Variants in CAMTA1 observed in about 807,000 individuals in gnomAD.
CAMTA1 encodes the protein calmodulin binding transcription activator 1, also known as calmodulin-binding transcription activator 1.
CAMTA1 carries 27 observed loss-of-function variants against 170.9 expected under a neutral mutation model. The ratio of observed to expected loss-of-function variants is 0.16; its 90% CI spans 0.12 to 0.22. CAMTA1 has a LOEUF of 0.22. CAMTA1 is among the 10% of genes least tolerant of loss of function. The probability of loss-of-function intolerance (pLI) is 1.00; values close to 1 mark genes in which losing one functional copy is unlikely to be tolerated. For missense variants in CAMTA1, 1,619 were observed against 2,217.2 expected, an observed-to-expected ratio of 0.73 and a Z score of 5.42; for synonymous variants, 833 against 891.5, an observed-to-expected ratio of 0.93 and a Z score of 1.17.
Position 7,234,105 on chromosome 1 carries a change from C to T in CAMTA1, c.303-15386C>T, listed in dbSNP as rs77826657. Among the ~76,000 whole-genome samples, 238 of 152,298 alleles carry T rather than the reference C, an allele frequency of 1.6e-3. 1 individual carries two copies. The highest frequency in any genetic ancestry group is 5.6e-3 in the African/African-American group (234 of 41,568). ...CTTGGTTAATTCGTGTCTCTCATCACTCTTACAGTAAAATCCACCCTGGTT... is the reference window on the plus strand; with the variant it reads ...CTTGGTTAATTCGTGTCTCTCATCATTCTTACAGTAAAATCCACCCTGGTT... On this transcript the variant is annotated intron_variant, in intron 4 of 22. Transcript: ENST00000303635. This position sits in a 1 kb window ranked among gnomAD's most constrained non-coding sequence, Gnocchi z 5.0.
intron 5 of CAMTA1, among the ~76,000 whole-genome samples, chr1:7,337,268 G>A (rs1025271482): frequency 1.3e-5 from 2 of 152,228 alleles, no homozygotes; most frequent in African/African-American, 4.8e-5. Flanking sequence ...CTCTTCCTTT[G>A]AGGGGAGGTA....
At chr1:6,898,755 A>AGCTTT (rs1430156215) in intron 3 of CAMTA1, among the ~76,000 whole-genome samples, 7 of 152,160 alleles carry the variant, frequency 4.6e-5, no homozygotes, top group Admixed American at 3.9e-4. Flanking sequence ...ATCTCAAATG[A>AGCTTT]GCTTTGCTTT....
intron 3 of CAMTA1, among the ~76,000 whole-genome samples, chr1:7,077,224 GTTT>G (rs113439901): frequency 2.5e-5 from 3 of 118,618 alleles, no homozygotes; most frequent in Non-Finnish European, 1.7e-5. Flanking sequence ...TTAAGGAAAG[GTTT>G]TTTTTTTTTT....
At chr1:7,485,906 C>A (rs2149662810) in intron 6 of CAMTA1, among the ~76,000 whole-genome samples, 1 of 152,374 alleles carries the variant, frequency 6.6e-6, no homozygotes, top group Non-Finnish European at 1.5e-5. Context: ...AGACCAGCTT[C>A]TCAGGCCACC....
At chr1:7,030,668 A>G (rs576960467) in intron 3 of CAMTA1, among the ~76,000 whole-genome samples, 1 of 152,200 alleles carries the variant, frequency 6.6e-6, no homozygotes, top group South Asian at 2.1e-4. Context: ...TTTTTTGTGA[A>G]TTCATTTAAT....
In CAMTA1 at chr1:7,655,310, C is replaced by T. The variant is rs549244338; in HGVS notation, c.665-6416C>T. Among the ~76,000 whole-genome samples the T allele has an allele frequency of 2.2e-3, 279 of 129,414 alleles. 1 individual carries two copies. The highest frequency in any genetic ancestry group is 3.1e-3 in the Non-Finnish European group (195 of 62,014). The allele number at this position is 129,414 out of a possible 152,430, so 84.9% of individuals were successfully genotyped here. Reference sequence around the variant, plus strand: ...CACACACACACCTATACACACACACCGTTATACACACCTATACACACAAAC... The same window carrying T: ...CACACACACACCTATACACACACACTGTTATACACACCTATACACACAAAC... On this transcript the variant is annotated intron_variant, in intron 7 of 22. Transcript: ENST00000303635.
At chr1:7,647,590 G>A (rs557721706) in intron 7 of CAMTA1, among the ~76,000 whole-genome samples, 1 of 152,196 alleles carries the variant, frequency 6.6e-6, no homozygotes, top group African/African-American at 2.4e-5. Flanking sequence ...TTCTGGAGTG[G>A]TGGGGCTTGG....
intron 9 of CAMTA1, among the ~76,000 whole-genome samples, chr1:7,670,036 C>T (rs901623759): frequency 3.3e-5 from 5 of 152,190 alleles, no homozygotes; most frequent in Non-Finnish European, 7.4e-5. Flanking sequence ...CCAGCCCTTC[C>T]GATGCTCTCC....
chr1:7,537,887 A>ACT (rs1163529659), intron 6 of CAMTA1, among the ~76,000 whole-genome samples: 2 of 152,192 alleles, frequency 1.3e-5, no homozygotes, highest in Non-Finnish European at 2.9e-5. Context: ...CCCAGCTCAA[A>ACT]CTGAGAAGGG....
At chr1:7,152,514 C>T (rs1646633479) in intron 4 of CAMTA1, among the ~76,000 whole-genome samples, 1 of 152,200 alleles carries the variant, frequency 6.6e-6, no homozygotes. Flanking sequence ...TGTTTTCTTC[C>T]TCCTCCTGTG....
At chr1:7,225,389 A>G (rs531804312) in intron 4 of CAMTA1, among the ~76,000 whole-genome samples, 1 of 152,058 alleles carries the variant, frequency 6.6e-6, no homozygotes, top group African/African-American at 2.4e-5. Context: ...CGGCCAGCAG[A>G]TCTCTTTTAT....
At chr1:7,296,653 G>C (rs1673985397) in intron 5 of CAMTA1, among the ~76,000 whole-genome samples, 1 of 152,140 alleles carries the variant, frequency 6.6e-6, no homozygotes, top group East Asian at 1.9e-4. Flanking sequence ...GATGGTAGTG[G>C]AGCAGGTCTA....
intron 6 of CAMTA1, among the ~76,000 whole-genome samples, chr1:7,629,373 A>C (rs1055498956): frequency 1.3e-5 from 2 of 152,216 alleles, no homozygotes; most frequent in African/African-American, 4.8e-5. Context: ...TCTCTTGCAC[A>C]ACTCCTTATG....
chr1:7,705,545 C>A (rs900367516), intron 11 of CAMTA1, among the ~76,000 whole-genome samples: 2 of 150,530 alleles, frequency 1.3e-5, no homozygotes, highest in Admixed American at 1.3e-4. Flanking sequence ...GGCGTCGGGG[C>A]GCGCGGGGGC....
chr1:7,009,472 G>A (rs987811770), intron 3 of CAMTA1, among the ~76,000 whole-genome samples: 6 of 152,188 alleles, frequency 3.9e-5, no homozygotes, highest in African/African-American at 1.4e-4. Context: ...GTCCCTGTCC[G>A]GCCCCCTCTT....
intron 8 of CAMTA1, among the ~76,000 whole-genome samples, chr1:7,662,638 A>G (rs1214708616): frequency 6.6e-6 from 1 of 152,124 alleles, no homozygotes; most frequent in Non-Finnish European, 1.5e-5. Flanking sequence ...AAGCTCAGAA[A>G]CGTTCGGCTC....
chr1:7,154,805 T>C (rs1032364885), intron 4 of CAMTA1, among the ~76,000 whole-genome samples: 2 of 152,166 alleles, frequency 1.3e-5, no homozygotes, highest in Non-Finnish European at 2.9e-5. Flanking sequence ...AAATCTTTAC[T>C]GTCCAGGAGT....
intron 3 of CAMTA1, among the ~76,000 whole-genome samples, chr1:7,036,590 A>G (rs1703630941): frequency 6.6e-6 from 1 of 152,228 alleles, no homozygotes; most frequent in South Asian, 2.1e-4. Flanking sequence ...TTATGAAGTC[A>G]TGATTGGAAA....
At chr1:7,428,571 C>T (rs1160940669) in intron 5 of CAMTA1, among the ~76,000 whole-genome samples, 1 of 152,104 alleles carries the variant, frequency 6.6e-6, no homozygotes, top group East Asian at 1.9e-4. Flanking sequence ...CAGTGGAGGC[C>T]CAGCACTGCC....
Sources: gnomAD v4.1 joint callset for allele counts (sites outside exome capture counted in the v4.1 genomes callset) on GRCh38, gnomAD v4.1.1 for gene constraint, Gnocchi (gnomAD v3.1) non-coding constraint, MANE v1.5 for transcripts, NCBI Gene and HGNC (gene_info 2026-07-23, HGNC 2026-07-21) for gene names.